Variants in TIAL1 observed in about 807,000 individuals in gnomAD.
The protein encoded by TIAL1 is TIA1 cytotoxic granule associated RNA binding protein like 1.
Under a neutral mutation model 59.7 loss-of-function variants are expected in TIAL1, and 7 were observed. The ratio of observed to expected loss-of-function variants is 0.12; its 90% confidence interval spans 0.07 to 0.22. TIAL1 has a LOEUF of 0.22. TIAL1 is among the 10% of genes least tolerant of loss of function. The pLI is 1.00. For missense variants in TIAL1, 225 were observed against 462.5 expected, an observed-to-expected ratio of 0.49 and a Z score of 4.71; for synonymous variants, 149 against 146.3, an observed-to-expected ratio of 1.02 and a Z score of -0.13.
Position 119,576,600 on chromosome 10 carries a change from AAAC to A in TIAL1, c.1001+8_1001+10del, listed in dbSNP as rs1399690328. The A allele has an allele frequency of 6.2e-7, 1 of 1,611,726 alleles. No individual in the cohort carries two copies. Among genetic ancestry groups the A allele is most frequent in the East Asian group, 2.2e-5 (1 of 44,882 alleles). On this transcript the variant is annotated splice_region_variant and intron_variant, in intron 11 of 11. Transcript: ENST00000436547. ...ATACGTTTCTATACTGGAAAAACCC[AAAC>A]AACTTACTCTACTCCAAATCCTTGT... is the stretch of plus-strand genomic sequence containing the variant.
chr10:119,590,553 T>C (rs1456255748), intron 1 of TIAL1, among the ~76,000 whole-genome samples: 4 of 151,468 alleles, frequency 2.6e-5, no homozygotes, highest in African/African-American at 9.7e-5. Flanking sequence ...CCACAAAAAA[T>C]ACAAAAATTA....
intron 5 of TIAL1, chr10:119,580,352 TACTA>T (rs749778968): frequency 2.2e-5 from 7 of 324,366 alleles, no homozygotes; most frequent in Non-Finnish European, 2.9e-5. Context: ...ACTGTAACAA[TACTA>T]ACTACTTTAC....
Position 119,596,516 on chromosome 10 carries a change from A to C in TIAL1, c.-51T>G. On this transcript the variant is annotated 5_prime_UTR_variant, in exon 1 of 12. Coordinates refer to ENST00000436547, the MANE Select transcript of TIAL1 (RefSeq NM_003252.4). ...GACAAGGGGGAGGGCAGGGTTGGGG[A>C]GGGGAGGGGGTGGGGAGGAAGGGGA... is the stretch of plus-strand genomic sequence containing the variant. 1 of 39,612 alleles carries C rather than the reference A, an allele frequency of 2.5e-5. No homozygotes were observed. Among genetic ancestry groups the C allele is most frequent in the Non-Finnish European group, 5.4e-5 (1 of 18,582 alleles). 2.5% of individuals were successfully genotyped at this position (39,612 alleles called of 1,614,324 possible). A position where few individuals can be genotyped will look rare whatever the true frequency, so the allele number is the denominator to read the frequency against.
chr10:119,592,765 A>T (rs551661103), intron 1 of TIAL1, among the ~76,000 whole-genome samples: 53 of 45,418 alleles, frequency 1.2e-3, no homozygotes, highest in African/African-American at 2.0e-3. Flanking sequence ...AGATATTCTC[A>T]CACACACACA....
In TIAL1 at chr10:119,594,150, AAAC is replaced by A. The variant is rs1201686151; in HGVS notation, c.32+2281_32+2283del. 2.0e-5 allele frequency among the ~76,000 whole-genome samples: 3 copies of A among 152,302 alleles called. No individual in the cohort carries two copies. The East Asian group carries it at 5.8e-4, about 29-fold the overall frequency. ...AATAGTAAACACGTACTGACATACA[AAAC>A]AACAGAGTTAAGATGTTTATTTATT... is the stretch of plus-strand genomic sequence containing the variant. On this transcript the variant is annotated intron_variant, in intron 1 of 11. Transcript: ENST00000436547.
chr10:119,596,102 G>C (rs1328601001), intron 1 of TIAL1, among the ~76,000 whole-genome samples: 1 of 149,668 alleles, frequency 6.7e-6, no homozygotes, highest in Non-Finnish European at 1.5e-5. Context: ...GCCCAGCCCA[G>C]GGCGTCCAAC....
chr10:119,575,662 GGCTCACT>G lies in TIAL1; in HGVS notation c.1124_*2del. ...AATTACAATTTTTTTTTAGAGTCCC[GGCTCACT>G]GTGTTTGGTAACTTGCCATACCATA... is the stretch of plus-strand genomic sequence containing the variant. On this transcript the variant is annotated stop_lost and 3_prime_UTR_variant, in exon 12 of 12. Coordinates refer to ENST00000436547, the MANE Select transcript of TIAL1 (RefSeq NM_003252.4). 2 of 1,612,932 alleles carry G rather than the reference GGCTCACT, an allele frequency of 1.2e-6. No homozygotes were observed. The highest frequency in any genetic ancestry group is 8.5e-7 in the Non-Finnish European group (1 of 1,179,586).
intron 1 of TIAL1, among the ~76,000 whole-genome samples, chr10:119,596,009 CA>C: frequency 6.6e-6 from 1 of 152,118 alleles, no homozygotes; most frequent in South Asian, 2.1e-4. Flanking sequence ...GCTAATTCCT[CA>C]GGGCCCGCGG....
At position 119,578,709 on chromosome 10, in the gene TIAL1, C is replaced by G; in HGVS notation, c.556+17G>C. 6.4e-7 allele frequency: 1 copy of G among 1,563,524 alleles called. No individual in the cohort carries two copies. Among genetic ancestry groups the G allele is most frequent in the Non-Finnish European group, 8.8e-7 (1 of 1,133,732 alleles). On this transcript the variant is annotated intron_variant, in intron 7 of 11. Coordinates refer to ENST00000436547, the MANE Select transcript of TIAL1 (RefSeq NM_003252.4). ...GTGAAGAATATAATTTTAACACACACAGTGGACATATCTTACTTTCTTGTG... is the reference window on the plus strand; with the variant it reads ...GTGAAGAATATAATTTTAACACACAGAGTGGACATATCTTACTTTCTTGTG...
chr10:119,594,051 G>T (rs1021217592), intron 1 of TIAL1, among the ~76,000 whole-genome samples: 4 of 146,484 alleles, frequency 2.7e-5, no homozygotes, highest in Non-Finnish European at 5.9e-5. Flanking sequence ...GACCTAGGAA[G>T]ATGTAGTAGT....
rs762975373 is a variant in TIAL1 at position 119,576,616 on chromosome 10, T to C, written c.996A>G (p.Gly332=). 1 of 1,613,888 alleles carries C rather than the reference T, an allele frequency of 6.2e-7. No homozygotes were observed. Among genetic ancestry groups the C allele is most frequent in the South Asian group, 1.1e-5 (1 of 90,998 alleles). ...YGQPWNQQGF[G]VDQSPSAAWM... is the part of the protein sequence containing the mutation. The stretch of plus-strand genomic sequence containing the variant: ...GAAAAACCCAAACAACTTACTCTAC[T>C]CCAAATCCTTGTTGATTCCATGGTT... Residue 332 remains glycine, a synonymous_variant, in exon 11 of 12, where the codon GGA becomes GGG. Coordinates refer to ENST00000436547, the MANE Select transcript of TIAL1 (RefSeq NM_003252.4).
intron 1 of TIAL1, among the ~76,000 whole-genome samples, chr10:119,595,038 G>A (rs980543152): frequency 6.6e-6 from 1 of 152,176 alleles, no homozygotes; most frequent in Non-Finnish European, 1.5e-5. Flanking sequence ...TTGAAGCATT[G>A]GATGTGCTTC....
intron 2 of TIAL1, among the ~76,000 whole-genome samples, chr10:119,585,867 A>G (rs900416764): frequency 6.6e-6 from 1 of 152,118 alleles, no homozygotes; most frequent in African/African-American, 2.4e-5. Context: ...AGAATTCACT[A>G]CAGTTGACCA....
At chr10:119,576,561 A>G (rs1423604765) in intron 11 of TIAL1, 50 bp downstream of exon 11, 2 of 1,586,136 alleles carry the variant, frequency 1.3e-6, no homozygotes, top group Non-Finnish European at 1.7e-6. Context: ...ACTTTTATTT[A>G]TTTTGTCAGA....
intron 1 of TIAL1, among the ~76,000 whole-genome samples, chr10:119,591,274 G>C (rs541762551): frequency 6.6e-6 from 1 of 151,904 alleles, no homozygotes; most frequent in African/African-American, 2.4e-5. Context: ...GCATGGTGGC[G>C]GGCACCTGTA....
At chr10:119,584,888 C>T (rs1329525631) in intron 2 of TIAL1, among the ~76,000 whole-genome samples, 3 of 151,750 alleles carry the variant, frequency 2.0e-5, no homozygotes, top group Non-Finnish European at 2.9e-5. Context: ...GGGCGGTTCA[C>T]GAGGTCAGAA....
At chr10:119,592,294 G>A (rs1474739122) in intron 1 of TIAL1, 1 of 152,168 alleles carries the variant, frequency 6.6e-6, no homozygotes, top group East Asian at 1.9e-4. Context: ...GGAACTGTAG[G>A]AACTGAAGCA....
chr10:119,587,629 A>C lies in TIAL1; in HGVS notation c.129+523T>G, dbSNP rs552707170. Among the ~76,000 whole-genome samples the C allele has an allele frequency of 1.5e-3, 214 of 144,752 alleles. 1 individual carries two copies. Among genetic ancestry groups the C allele is most frequent in the Non-Finnish European group, 2.8e-3 (182 of 65,700 alleles). 95.0% of individuals were successfully genotyped at this position (144,752 alleles called of 152,430 possible). A position where few individuals can be genotyped will look rare whatever the true frequency, so the allele number is the denominator to read the frequency against. ...GTATCTAGTACATAGGAAATAGTCC[A>C]AAAAAAAAAAAGAAAGCTGATCAAT... On this transcript the variant is annotated intron_variant, in intron 2 of 11. Transcript: ENST00000436547.
chr10:119,594,824 C>A (rs1361825249), intron 1 of TIAL1, among the ~76,000 whole-genome samples: 11 of 152,088 alleles, frequency 7.2e-5, no homozygotes, highest in African/African-American at 2.4e-4. Flanking sequence ...GGAGTTTCAC[C>A]GTGTTGGCCA....
Sources: gnomAD v4.1 joint callset for allele counts (sites outside exome capture counted in the v4.1 genomes callset) on GRCh38, gnomAD v4.1.1 for gene constraint, MANE v1.5 for transcripts, NCBI Gene and HGNC (gene_info 2026-07-23, HGNC 2026-07-21) for gene names.